Variants in CNTN1 observed in about 807,000 individuals in gnomAD.
CNTN1 encodes the protein contactin-1.
A neutral mutation model predicts 126.4 loss-of-function variants in CNTN1; 38 were observed. The ratio of observed to expected loss-of-function variants is 0.30; its 90% CI spans 0.23 to 0.39. The LOEUF (loss-of-function observed/expected upper bound fraction) is 0.39. CNTN1 is among the 10% of genes least tolerant of loss of function. The pLI, the probability that CNTN1 is intolerant of heterozygous loss-of-function variation, is 1.00. For missense variants in CNTN1, 1,009 were observed against 1,248.4 expected, an observed-to-expected ratio of 0.81 and a Z score of 2.89; for synonymous variants, 413 against 422.6, an observed-to-expected ratio of 0.98 and a Z score of 0.28.
intron 1 of CNTN1, among the ~76,000 whole-genome samples, chr12:40,799,673 C>G (rs1940571061): frequency 1.3e-5 from 2 of 151,932 alleles, no homozygotes; most frequent in Non-Finnish European, 2.9e-5. Context: ...AAGCTCTGTA[C>G]TAGATGTGTA....
At chr12:40,780,314 G>A (rs1414445244) in intron 1 of CNTN1, among the ~76,000 whole-genome samples, 1 of 151,720 alleles carries the variant, frequency 6.6e-6, no homozygotes, top group African/African-American at 2.4e-5. Context: ...ATCCCAATTG[G>A]GAAAAGGAAT....
chr12:40,772,684 G>T (rs1233487766), intron 1 of CNTN1, among the ~76,000 whole-genome samples: 1 of 151,886 alleles, frequency 6.6e-6, no homozygotes, highest in East Asian at 1.9e-4. Context: ...GGAAGGCATT[G>T]AATATATCTT....
At chr12:40,693,150 G>A (rs558125152) in intron 1 of CNTN1, among the ~76,000 whole-genome samples, 1 of 152,332 alleles carries the variant, frequency 6.6e-6, no homozygotes, top group Admixed American at 6.5e-5. Flanking sequence ...GGAGATGGGG[G>A]TGGGGAAGAA....
chr12:40,827,909 C>T (rs924430415), intron 1 of CNTN1: 1 of 152,086 alleles, frequency 6.6e-6, no homozygotes, highest in African/African-American at 2.4e-5. Flanking sequence ...AGTCTCCGAA[C>T]AGAATGACAG....
At chr12:41,008,847 T>G (rs1254673902) in intron 17 of CNTN1, among the ~76,000 whole-genome samples, 1 of 152,224 alleles carries the variant, frequency 6.6e-6, no homozygotes, top group Non-Finnish European at 1.5e-5. Flanking sequence ...CTTTATAACC[T>G]TCTTTGCACC....
At chr12:40,929,431 T>C (rs1592273158) in intron 6 of CNTN1, among the ~76,000 whole-genome samples, 2 of 152,058 alleles carry the variant, frequency 1.3e-5, no homozygotes, top group Admixed American at 6.6e-5. Flanking sequence ...AGATTAATCA[T>C]GGCTTTCGAG....
chr12:41,012,045 G>A (rs561410422), intron 17 of CNTN1, among the ~76,000 whole-genome samples: 25 of 152,254 alleles, frequency 1.6e-4, no homozygotes, highest in South Asian at 6.2e-4. Flanking sequence ...GTAGAGAGGC[G>A]TAAAAAGGGG....
chr12:41,035,455 T>C (rs1949237260), intron 23 of CNTN1, among the ~76,000 whole-genome samples: 1 of 152,182 alleles, frequency 6.6e-6, no homozygotes, highest in Admixed American at 6.6e-5. Context: ...ACACCAACCA[T>C]ATGTCAGGCA....
At chr12:41,051,567 C>G (rs1949683470) in intron 23 of CNTN1, among the ~76,000 whole-genome samples, 2 of 151,976 alleles carry the variant, frequency 1.3e-5, no homozygotes, top group South Asian at 4.2e-4. Context: ...AAAAAATACA[C>G]AAAATCTACT....
At position 40,981,015 on chromosome 12, in the gene CNTN1, C is replaced by T. The variant is rs61759481; in HGVS notation, c.1911C>T (p.Tyr637=). 360 of 1,613,448 alleles carry T rather than the reference C, an allele frequency of 2.2e-4. No homozygotes were observed. The African/African-American group carries it at 3.9e-3, about 17-fold the overall frequency. Residue 637 remains tyrosine, a synonymous_variant, in exon 16 of 24, where the codon TAC becomes TAT. Coordinates refer to ENST00000551295, the MANE Select transcript of CNTN1 (RefSeq NM_001843.4). Reference sequence around the variant, plus strand: ...ACAATCATAGTCCTATTTCTAAATACACTATCCAGACCAAGACTATTCTTT... The same window carrying T: ...ACAATCATAGTCCTATTTCTAAATATACTATCCAGACCAAGACTATTCTTT... ...GSDNHSPISK[Y]TIQTKTILSD...
In CNTN1 at chr12:41,069,028, G is replaced by A. The variant is rs1012041473; in HGVS notation, c.2981-931G>A. Among the ~76,000 whole-genome samples the A allele has an allele frequency of 1.3e-5, 2 of 152,128 alleles. 1 individual carries two copies. The highest frequency in any genetic ancestry group is 2.9e-5 in the Non-Finnish European group (2 of 68,028). ...AATTAATTTATTTAAAAAGAAGATA[G>A]TGCCTAATAGTTGTGGACATTGGGA... On this transcript the variant is annotated intron_variant, in intron 23 of 23. Transcript: ENST00000551295.
chr12:40,885,368 C>T (rs545448858), intron 1 of CNTN1, among the ~76,000 whole-genome samples: 1 of 151,890 alleles, frequency 6.6e-6, no homozygotes, highest in East Asian at 1.9e-4. Context: ...TAAAGAACAC[C>T]ATTTTTTATG....
At chr12:41,059,645 T>C (rs948261320) in intron 23 of CNTN1, among the ~76,000 whole-genome samples, 4 of 152,224 alleles carry the variant, frequency 2.6e-5, no homozygotes, top group African/African-American at 9.6e-5. Context: ...ACTTTAACTG[T>C]ATCTTATAAG....
rs1313204308 is a variant in CNTN1 at position 40,872,208 on chromosome 12, TTGTTTGTGTGTGTGTGTGTGTGTGTG to T, written c.-76-36145_-76-36120del. ...ATTTCGGTAGGGTTTTTCCGTTGCT[TTGTTTGTGTGTGTGTGTGTGTGTGTG>T]TGTGTGTGTGTGTGTGTGTGTGTGT... On this transcript the variant is annotated intron_variant, in intron 1 of 23. Transcript: ENST00000551295. 1.5e-4 allele frequency among the ~76,000 whole-genome samples: 18 copies of T among 124,048 alleles called. 1 individual carries two copies. Among genetic ancestry groups the T allele is most frequent in the African/African-American group, 3.6e-4 (12 of 33,796 alleles). 81.4% of individuals were successfully genotyped at this position (124,048 alleles called of 152,430 possible). A position where few individuals can be genotyped will look rare whatever the true frequency, so the allele number is the denominator to read the frequency against.
intron 17 of CNTN1, among the ~76,000 whole-genome samples, chr12:41,007,509 G>A (rs561709819): frequency 2.0e-4 from 30 of 152,264 alleles, no homozygotes; most frequent in African/African-American, 7.2e-4. Flanking sequence ...AGCAGCAGAG[G>A]TTTAATAGGC....
intron 1 of CNTN1, among the ~76,000 whole-genome samples, chr12:40,843,730 G>A (rs954785890): frequency 1.3e-5 from 2 of 152,264 alleles, no homozygotes; most frequent in South Asian, 2.1e-4. Context: ...TGCCCTGCAA[G>A]ATAAGCAAGG....
intron 23 of CNTN1, among the ~76,000 whole-genome samples, chr12:41,065,699 A>G (rs2121140198): frequency 6.6e-6 from 1 of 152,270 alleles, no homozygotes. Context: ...ATTCCCACTA[A>G]TAGGTGGGAC....
intron 15 of CNTN1, chr12:40,971,439 A>C (rs1327088871): frequency 1.3e-6 from 2 of 1,595,368 alleles, no homozygotes; most frequent in South Asian, 1.1e-5. Flanking sequence ...TGCAGGTAAA[A>C]ACAGAAAAGG....
intron 23 of CNTN1, among the ~76,000 whole-genome samples, chr12:41,059,239 C>T (rs973212181): frequency 6.6e-6 from 1 of 151,572 alleles, no homozygotes; most frequent in Non-Finnish European, 1.5e-5. Flanking sequence ...CAGCCTCAAA[C>T]AGGTGAATCA....
Sources: allele counts gnomAD v4.1 joint callset (sites outside exome capture counted in the v4.1 genomes callset), GRCh38; gene constraint gnomAD v4.1.1; transcripts MANE v1.5; gene names NCBI Gene and HGNC (gene_info 2026-07-23, HGNC 2026-07-21).